MLH3: variants seen among roughly 807,000 people sequenced by gnomAD.
The protein encoded by MLH3 is DNA mismatch repair protein Mlh3.
In MLH3, 82 loss-of-function variants were observed where a neutral mutation model predicts 122.2. The observed-to-expected ratio is 0.67, with a 90% CI of 0.56 to 0.81. The LOEUF (loss-of-function observed/expected upper bound fraction) is 0.81. Among genes scored for constraint, MLH3 ranks in the 30% least tolerant of loss-of-function variants. The pLI, the probability that MLH3 is intolerant of heterozygous loss-of-function variation, is 0.00. For missense variants in MLH3, 1,539 were observed against 1,714.5 expected, an observed-to-expected ratio of 0.90 and a Z score of 1.81; for synonymous variants, 524 against 599.5, an observed-to-expected ratio of 0.87 and a Z score of 1.84.
At chr14:75,019,051 G>T in intron 11 of MLH3, 71 bp from the exon 12 acceptor site, 2 of 1,347,368 alleles carry the variant, frequency 1.5e-6, no homozygotes, top group Non-Finnish European at 2.1e-6. Flanking sequence ...TTGGGTCACT[G>T]CCAAATATCT....
intron 2 of MLH3, among the ~76,000 whole-genome samples, chr14:75,044,231 C>G (rs1892064749): frequency 6.6e-6 from 1 of 152,102 alleles, no homozygotes; most frequent in Admixed American, 6.5e-5. Context: ...CATGGAACTT[C>G]TTTCTATACC....
At chr14:75,041,290 C>T (rs145842266) in intron 4 of MLH3, among the ~76,000 whole-genome samples, 2,984 of 152,260 alleles carry the variant, frequency 0.02, 59 homozygotes, top group African/African-American at 0.047. Flanking sequence ...TGGCTCACAC[C>T]TGTAATCCCA....
chr14:75,049,211 A>G lies in MLH3; in HGVS notation c.445T>C (p.Tyr149His). 1 of 1,614,242 alleles carries G rather than the reference A, an allele frequency of 6.2e-7. No individual in the cohort carries two copies. The change falls in exon 2 of 13, where the codon TAT becomes CAT. Residue 149 changes from tyrosine (Y) to histidine (H), a missense_variant. Transcript: ENST00000355774. ...RASAGTTVTV[Y>H]NLFYQLPVRR... ...ACAGGAAGCTGGTAAAATAGGTTAT[A>G]CACTGTTACAGTAGTCCCAGCGCTT...
Position 75,016,435 on chromosome 14 carries a change from C to T in MLH3, c.*647G>A, listed in dbSNP as rs761338018. The T allele has an allele frequency of 2.2e-4, 42 of 190,948 alleles. No homozygotes were observed. The highest frequency in any genetic ancestry group is 7.9e-4 in the African/African-American group (34 of 43,020). The allele number at this position is 190,948 out of a possible 1,614,324, so 11.8% of individuals were successfully genotyped here. A position where few individuals can be genotyped will look rare whatever the true frequency, so the allele number is the denominator to read the frequency against. ...TTTTAAAGAAAACATAACAAAAAAC[C>T]CGGAACAGGACTTTAAATTTTCTCT... On this transcript the variant is annotated 3_prime_UTR_variant, in exon 13 of 13. Transcript: ENST00000355774.
rs1410293317 is a variant in MLH3 at position 75,030,700 on chromosome 14, C to T, written c.3830G>A (p.Cys1277Tyr). The T allele has an allele frequency of 1.2e-6, 2 of 1,612,392 alleles. No individual in the cohort carries two copies. The highest frequency in any genetic ancestry group is 1.7e-6 in the Non-Finnish European group (2 of 1,178,654). Reference sequence around the variant, plus strand: ...CAGATCTTCCAGATTTTTGTGGTAACACCTAAAGAGATAACCTCAAATGTT... The same window carrying T: ...CAGATCTTCCAGATTTTTGTGGTAATACCTAAAGAGATAACCTCAAATGTT... The part of the protein sequence containing the change: ...VTEEQRRLLW[C>Y]YHKNLEDLGL... The change falls in exon 9 of 13, where the codon TGT becomes TAT. Residue 1277 changes from cysteine (C) to tyrosine (Y), a missense_variant and splice_region_variant. Transcript: ENST00000355774.
chr14:75,028,658 T>A (rs1346491274), intron 9 of MLH3, among the ~76,000 whole-genome samples: 8 of 151,050 alleles, frequency 5.3e-5, no homozygotes, highest in Admixed American at 5.3e-4. Flanking sequence ...CCTCAAATGA[T>A]CCGCCCGCCT....
Position 75,046,753 on chromosome 14 carries a change from G to A in MLH3, c.2903C>T (p.Thr968Ile), listed in dbSNP as rs769450598. The change falls in exon 2 of 13, where the codon ACT becomes ATT. Residue 968 changes from threonine (T) to isoleucine (I), a missense_variant. By Grantham distance (89) the Thr-to-Ile change is moderately conservative (BLOSUM62 -1). Transcript: ENST00000355774. ...ATTATTATAGGGCAATACCAAAGGA[G>A]TTTCTGATATCACACAGTTCTCTGT... ...NTTENCVISE[T>I]PLVLPYNNSK... 4 of 1,613,998 alleles carry A rather than the reference G, an allele frequency of 2.5e-6. No homozygotes were observed. Among genetic ancestry groups the A allele is most frequent in the African/African-American group, 1.3e-5 (1 of 74,912 alleles).
rs144875666 is a variant in MLH3, at chr14:75,038,382, C to A, written c.3601G>T (p.Ala1201Ser). 1 of 1,613,768 alleles carries A rather than the reference C, an allele frequency of 6.2e-7. No homozygotes were observed. The highest frequency in any genetic ancestry group is 1.3e-5 in the African/African-American group (1 of 75,024). The change falls in exon 6 of 13, where the codon GCC (alanine) becomes TCC (serine). Residue 1201 changes from alanine (A) to serine (S), a missense_variant. Transcript: ENST00000355774. ...VLQQVDNKFI[A>S]CLMSTKTEEN... ...TCAGTCTTAGTGCTCATCAAACAGG[C>A]AATAAACTTGTTATCTACTTGCTGG...
At chr14:75,025,339 A>C (rs1238722906) in intron 9 of MLH3, among the ~76,000 whole-genome samples, 1 of 152,170 alleles carries the variant, frequency 6.6e-6, no homozygotes, top group Non-Finnish European at 1.5e-5. Context: ...TGATTCCACA[A>C]GACAACTAAT....
Position 75,016,949 on chromosome 14 carries a change from C to T in MLH3, c.*133G>A. Reference sequence around the variant, plus strand: ...GCTCAAGAAAGACTGATACAGAGAGCCCTGCTGTCTAAGCTGCTCAGGGAC... The same window carrying T: ...GCTCAAGAAAGACTGATACAGAGAGTCCTGCTGTCTAAGCTGCTCAGGGAC... On this transcript the variant is annotated 3_prime_UTR_variant, in exon 13 of 13. Transcript: ENST00000355774. The T allele has an allele frequency of 1.0e-6, 1 of 980,442 alleles. No individual in the cohort carries two copies. The highest frequency in any genetic ancestry group is 1.6e-6 in the Non-Finnish European group (1 of 614,006). 60.7% of individuals were successfully genotyped at this position (980,442 alleles called of 1,614,324 possible). A position where few individuals can be genotyped will look rare whatever the true frequency, so the allele number is the denominator to read the frequency against.
In MLH3 at chr14:75,049,555, A is replaced by G. The variant is rs1008661571; in HGVS notation, c.101T>C (p.Ile34Thr). 1.1e-5 allele frequency: 18 copies of G among 1,614,218 alleles called. No homozygotes were observed. Among genetic ancestry groups the G allele is most frequent in the East Asian group, 2.2e-5 (1 of 44,892 alleles). ...QCVEELALNS[I>T]DAEAKCVAVR... is the part of the protein sequence containing the mutation. ...AGCCACACATTTTGCTTCAGCATCAATACTGTTGAGGGCAAGTTCCTCAAC... is the reference window on the plus strand; with the variant it reads ...AGCCACACATTTTGCTTCAGCATCAGTACTGTTGAGGGCAAGTTCCTCAAC... The change falls in exon 2 of 13, where the codon ATT (isoleucine) becomes ACT (threonine). Residue 34 changes from isoleucine to threonine, a missense_variant. Transcript: ENST00000355774.
chr14:75,017,308 G>A (rs1889951872), intron 12 of MLH3, 107 bp from the exon 13 acceptor site: 1 of 1,153,934 alleles, frequency 8.7e-7, no homozygotes, highest in Admixed American at 1.8e-5. Context: ...GGAGGCCAAG[G>A]CAGGCGGATC....
Position 75,016,906 on chromosome 14 carries a change from C to A in MLH3, c.*176G>T. 1 of 701,744 alleles carries A rather than the reference C, an allele frequency of 1.4e-6. No individual in the cohort carries two copies. Among genetic ancestry groups the A allele is most frequent in the South Asian group, 1.6e-5 (1 of 63,130 alleles). 43.5% of individuals were successfully genotyped at this position (701,744 alleles called of 1,614,324 possible). A position where few individuals can be genotyped will look rare whatever the true frequency, so the allele number is the denominator to read the frequency against. ...TAGGCTTGAATTTCATCTGGCTACT[C>A]AACTAGGGGAATCATCTGCTCAAGA... On this transcript the variant is annotated 3_prime_UTR_variant, in exon 13 of 13. Coordinates refer to ENST00000355774, the MANE Select transcript of MLH3 (RefSeq NM_001040108.2).
intron 2 of MLH3, among the ~76,000 whole-genome samples, chr14:75,045,055 T>C (rs1892116635): frequency 6.6e-6 from 1 of 152,000 alleles, no homozygotes; most frequent in Non-Finnish European, 1.5e-5. Context: ...ATTGGTTGGG[T>C]GCAGTGGCTC....
chr14:75,026,598 G>A (rs1358754463), intron 9 of MLH3, among the ~76,000 whole-genome samples: 3 of 152,268 alleles, frequency 2.0e-5, no homozygotes, highest in South Asian at 2.1e-4. Flanking sequence ...GGAAAGAAAC[G>A]TTTGAGGTGA....
intron 6 of MLH3, among the ~76,000 whole-genome samples, chr14:75,034,576 T>C (rs1043577862): frequency 6.6e-6 from 1 of 152,202 alleles, no homozygotes; most frequent in Non-Finnish European, 1.5e-5. Context: ...GAAATACTAA[T>C]TTCATATAAT....
At position 75,042,288 on chromosome 14, in the gene MLH3, C is replaced by A. The variant is rs1401586330; in HGVS notation, c.3379+91G>T. ...CCTGATTCCAGTACAGCACAGCTGGCACTGATCAAGCTTAATGCAAGCCTG... is the reference window on the plus strand; with the variant it reads ...CCTGATTCCAGTACAGCACAGCTGGAACTGATCAAGCTTAATGCAAGCCTG... On this transcript the variant is annotated intron_variant, in intron 3 of 12. Transcript: ENST00000355774. 3 of 1,050,468 alleles carry A rather than the reference C, an allele frequency of 2.9e-6. No individual in the cohort carries two copies. In the East Asian group the frequency reaches 7.1e-5, roughly 25 times the overall value. 65.1% of individuals were successfully genotyped at this position (1,050,468 alleles called of 1,614,324 possible).
At chr14:75,019,068 A>T in intron 11 of MLH3, 88 bp from the exon 12 acceptor site, 3 of 1,215,316 alleles carry the variant, frequency 2.5e-6, no homozygotes, top group Non-Finnish European at 3.6e-6. Flanking sequence ...ATCTGGAAAA[A>T]GTAACATGTT....
At chr14:75,037,937 T>C (rs766297522) in intron 6 of MLH3, among the ~76,000 whole-genome samples, 1 of 152,246 alleles carries the variant, frequency 6.6e-6, no homozygotes, top group Non-Finnish European at 1.5e-5. Flanking sequence ...TAAATGTCTG[T>C]CGCCCAGGCT....
Sources: gnomAD v4.1 joint callset for allele counts (sites outside exome capture counted in the v4.1 genomes callset) on GRCh38, gnomAD v4.1.1 for gene constraint, MANE v1.5 for transcripts, NCBI Gene and HGNC (gene_info 2026-07-23, HGNC 2026-07-21) for gene names.